MYO3B: variants seen among roughly 807,000 people sequenced by gnomAD.
The protein encoded by MYO3B is myosin-IIIb.
Under a neutral mutation model 174.6 loss-of-function variants are expected in MYO3B, and 156 were observed. That is an observed-to-expected ratio of 0.89 (90% CI 0.78 to 1.02). The LOEUF (loss-of-function observed/expected upper bound fraction) is 1.02, where lower values mean the gene tolerates loss of function less well. Ranked by LOEUF, MYO3B falls within the 50% of genes least tolerant of loss-of-function variation. The pLI is 0.00. For missense variants in MYO3B, 1,632 were observed against 1,639.4 expected (o/e 1.00, Z 0.08); for synonymous variants, 563 against 569.1 (o/e 0.99, Z 0.15).
rs1047360727 is a variant in MYO3B at position 170,313,218 on chromosome 2, A to G, written c.750-22167A>G. Among the ~76,000 whole-genome samples the G allele has an allele frequency of 1.1e-4, 16 of 152,038 alleles. 1 individual carries two copies. The highest frequency in any genetic ancestry group is 4.6e-4 in the Admixed American group (7 of 15,264). ...TTAACATCCTTGAGATAGTTATTTC[A>G]CCTTTCTCAACTTCGTTTTCCCCCT... On this transcript the variant is annotated intron_variant, in intron 7 of 34. Coordinates refer to ENST00000408978, the MANE Select transcript of MYO3B (RefSeq NM_138995.5).
intron 32 of MYO3B, among the ~76,000 whole-genome samples, chr2:170,558,853 C>T (rs1691522291): frequency 6.6e-6 from 1 of 152,190 alleles, no homozygotes; most frequent in South Asian, 2.1e-4. Flanking sequence ...GTCAAGTTAA[C>T]TTAATCTCCC....
rs1355544150 is a variant in MYO3B, at chr2:170,578,767, C to T, written c.3733+34779C>T. ...AGATATTGTGGTCTAAGTGAACGGA[C>T]GTCCGCTGCCCCGCTGCGAGGAATT... On this transcript the variant is annotated intron_variant, in intron 32 of 34. Coordinates refer to ENST00000408978, the MANE Select transcript of MYO3B (RefSeq NM_138995.5). Among the ~76,000 whole-genome samples the T allele has an allele frequency of 3.9e-5, 6 of 152,332 alleles. No individual in the cohort carries two copies. The East Asian group carries it at 7.7e-4, about 20-fold the overall frequency.
At chr2:170,426,759 C>T (rs906974991) in intron 22 of MYO3B, among the ~76,000 whole-genome samples, 22 of 152,066 alleles carry the variant, frequency 1.4e-4, no homozygotes, top group Admixed American at 8.5e-4. Flanking sequence ...GCAGCTCACA[C>T]CTGTAATCCC....
chr2:170,558,389 A>G (rs1279718373), intron 32 of MYO3B, among the ~76,000 whole-genome samples: 2 of 152,268 alleles, frequency 1.3e-5, no homozygotes, highest in South Asian at 2.1e-4. Context: ...CCGAGATCAC[A>G]AAACAGTCCT....
At chr2:170,330,357 C>A (rs1025851939) in intron 7 of MYO3B, among the ~76,000 whole-genome samples, 1 of 152,042 alleles carries the variant, frequency 6.6e-6, no homozygotes, top group Admixed American at 6.6e-5. Flanking sequence ...GGACTCTTCA[C>A]GAGATAAAAT....
intron 7 of MYO3B, among the ~76,000 whole-genome samples, chr2:170,258,290 A>T (rs1449769342): frequency 6.6e-6 from 1 of 152,170 alleles, no homozygotes; most frequent in Non-Finnish European, 1.5e-5. Flanking sequence ...ATCCCTGATG[A>T]ATATAGATAC....
Position 170,387,160 on chromosome 2 carries a change from G to T in MYO3B, c.1429G>T (p.Ala477Ser). 6.2e-7 allele frequency: 1 copy of T among 1,614,134 alleles called. No homozygotes were observed. Among genetic ancestry groups the T allele is most frequent in the African/African-American group, 1.3e-5 (1 of 75,050 alleles). The change falls in exon 14 of 35, where the codon GCC becomes TCC. Residue 477 changes from alanine to serine, a missense_variant. By Grantham distance (99) the Ala-to-Ser change is moderately conservative (BLOSUM62 1). Transcript: ENST00000408978. ...KILQVNSLVE[A>S]FGNSCTAIND... The stretch of plus-strand genomic sequence containing the variant: ...TCTACAAGTCAACTCCCTGGTGGAA[G>T]CCTTTGGGAACTCATGCACTGCCAT...
At chr2:170,515,706 G>A (rs942602109) in intron 29 of MYO3B, among the ~76,000 whole-genome samples, 21 of 152,100 alleles carry the variant, frequency 1.4e-4, no homozygotes, top group Admixed American at 3.3e-4. Context: ...GCATTTGATG[G>A]CAAGTGAAGA....
chr2:170,652,757 A>G (rs1699091381), intron 34 of MYO3B, among the ~76,000 whole-genome samples: 1 of 152,162 alleles, frequency 6.6e-6, no homozygotes, highest in African/African-American at 2.4e-5. Context: ...CAGACACCAC[A>G]AAACTGGACC....
At chr2:170,281,047 T>C (rs1158006995) in intron 7 of MYO3B, among the ~76,000 whole-genome samples, 2 of 152,174 alleles carry the variant, frequency 1.3e-5, no homozygotes, top group Admixed American at 1.3e-4. Context: ...ATAGCATTGA[T>C]TATATAAATT....
intron 3 of MYO3B, among the ~76,000 whole-genome samples, chr2:170,207,551 G>A (rs1447234055): frequency 6.6e-6 from 1 of 151,930 alleles, no homozygotes; most frequent in African/African-American, 2.4e-5. Context: ...GCAATCCTAA[G>A]CCAACCAGTC....
At chr2:170,400,442 G>C (rs2094467800) in intron 17 of MYO3B, 128 bp downstream of exon 17, 1 of 1,167,650 alleles carries the variant, frequency 8.6e-7, no homozygotes, top group East Asian at 2.5e-5. Flanking sequence ...GTCTCACTCT[G>C]TCATCCAGGC....
At chr2:170,352,425 C>T (rs1453020081) in intron 8 of MYO3B, among the ~76,000 whole-genome samples, 1 of 152,114 alleles carries the variant, frequency 6.6e-6, no homozygotes, top group African/African-American at 2.4e-5. Context: ...TTTAATCAAT[C>T]TAACAGAAGA....
At chr2:170,191,182 G>A (rs368479646) in intron 1 of MYO3B, among the ~76,000 whole-genome samples, 27 of 151,894 alleles carry the variant, frequency 1.8e-4, no homozygotes, top group African/African-American at 4.1e-4. Flanking sequence ...CTGTCCTACC[G>A]TGGCTGAGCT....
At chr2:170,269,864 A>G (rs1389605793) in intron 7 of MYO3B, among the ~76,000 whole-genome samples, 2 of 152,184 alleles carry the variant, frequency 1.3e-5, no homozygotes, top group Non-Finnish European at 2.9e-5. Context: ...TAAAACACAG[A>G]TTGCTGGGCT....
intron 6 of MYO3B, among the ~76,000 whole-genome samples, chr2:170,218,944 T>A (rs905381434): frequency 6.6e-6 from 1 of 152,214 alleles, no homozygotes; most frequent in South Asian, 2.1e-4. Flanking sequence ...CCAGCCCCTA[T>A]CTATCCAGCC....
chr2:170,488,740 A>G (rs1686238633), intron 25 of MYO3B, among the ~76,000 whole-genome samples: 1 of 152,114 alleles, frequency 6.6e-6, no homozygotes, highest in Non-Finnish European at 1.5e-5. Context: ...ATATCTATTT[A>G]TCAGTTGGAA....
intron 1 of MYO3B, among the ~76,000 whole-genome samples, chr2:170,195,965 T>C (rs2092595706): frequency 6.6e-6 from 1 of 152,232 alleles, no homozygotes; most frequent in Non-Finnish European, 1.5e-5. Flanking sequence ...TCTACCTTGA[T>C]GTTCAGTAAT....
chr2:170,416,623 C>CTT (rs80194434), intron 22 of MYO3B, among the ~76,000 whole-genome samples: 16 of 139,876 alleles, frequency 1.1e-4, no homozygotes, highest in Admixed American at 2.2e-4. Context: ...ATCCAAACTC[C>CTT]TTTTTTTTTT....
Sources: gnomAD v4.1 joint callset for allele counts (sites outside exome capture counted in the v4.1 genomes callset) on GRCh38, gnomAD v4.1.1 for gene constraint, MANE v1.5 for transcripts, NCBI Gene and HGNC (gene_info 2026-07-23, HGNC 2026-07-21) for gene names.